The following ABCC4 variants were observed in gnomAD, a reference collection of about 807,000 sequenced individuals.
The protein encoded by ABCC4 is ATP binding cassette subfamily C member 4 (PEL blood group), also known as ATP-binding cassette sub-family C member 4.
Under a neutral mutation model 168.5 loss-of-function variants are expected in ABCC4, and 102 were observed. The ratio of observed to expected loss-of-function variants is 0.61; its 90% CI spans 0.52 to 0.71. The LOEUF (loss-of-function observed/expected upper bound fraction) is 0.71, where lower values mean the gene tolerates loss of function less well. Ranked by LOEUF, ABCC4 falls within the 30% of genes least tolerant of loss-of-function variation. The pLI is 0.00. For synonymous variants in ABCC4, 617 were observed against 590.7 expected (o/e 1.04, Z -0.65); for missense variants, 1,402 against 1,605.8 (o/e 0.87, Z 2.17).
Position 95,214,884 on chromosome 13 carries a change from C to CAA in ABCC4, c.532-4105_532-4104dup, listed in dbSNP as rs60962674. The stretch of plus-strand genomic sequence containing the variant: ...CTGGGTGATAGGTGAGACTCCAATT[C>CAA]AAAAAAAAAAAAAAAAAAACACCTG... On this transcript the variant is annotated intron_variant, in intron 4 of 30. Transcript: ENST00000645237. Among the ~76,000 whole-genome samples the CAA allele has an allele frequency of 1.6e-3, 141 of 88,576 alleles. 1 individual carries two copies. The highest frequency in any genetic ancestry group is 5.1e-3 in the African/African-American group (119 of 23,488). 58.1% of individuals were successfully genotyped at this position (88,576 alleles called of 152,430 possible).
At chr13:95,076,098 A>G (rs907627512) in intron 21 of ABCC4, among the ~76,000 whole-genome samples, 3 of 150,180 alleles carry the variant, frequency 2.0e-5, no homozygotes, top group Non-Finnish European at 4.4e-5. Context: ...GAACAGACAG[A>G]CTGTCACTTC....
At chr13:95,183,098 G>C in intron 11 of ABCC4, among the ~76,000 whole-genome samples, 1 of 149,504 alleles carries the variant, frequency 6.7e-6, no homozygotes, top group East Asian at 2.0e-4. Context: ...TTTTGCGGGG[G>C]AGGGTGGCCA....
At chr13:95,124,526 C>T (rs919084049) in intron 19 of ABCC4, among the ~76,000 whole-genome samples, 1 of 146,984 alleles carries the variant, frequency 6.8e-6, no homozygotes, top group Admixed American at 6.9e-5. Flanking sequence ...TAATGCACTC[C>T]AGACTGGGCA....
At chr13:95,116,085 AT>A in intron 19 of ABCC4, 84 bp from the exon 20 acceptor site, 1 of 964,082 alleles carries the variant, frequency 1.0e-6, no homozygotes, top group East Asian at 2.5e-5. Flanking sequence ...TCAAAACAAT[AT>A]TTTAAATGCA....
At chr13:95,208,937 C>T (rs1361624129) in intron 6 of ABCC4, among the ~76,000 whole-genome samples, 1 of 152,190 alleles carries the variant, frequency 6.6e-6, no homozygotes, top group Non-Finnish European at 1.5e-5. Flanking sequence ...ATATTCCTAA[C>T]ACATATGCTA....
intron 19 of ABCC4, among the ~76,000 whole-genome samples, chr13:95,159,570 T>G (rs762151836): frequency 1.3e-5 from 2 of 152,150 alleles, no homozygotes; most frequent in Admixed American, 6.5e-5. Flanking sequence ...GTCATGAGCA[T>G]TCCGAGGCCT....
intron 20 of ABCC4, among the ~76,000 whole-genome samples, chr13:95,100,582 T>C (rs1594094463): frequency 6.6e-6 from 1 of 152,218 alleles, no homozygotes; most frequent in East Asian, 1.9e-4. Context: ...CAGTAACTCA[T>C]GTCATCAACT....
chr13:95,200,790 G>A lies in ABCC4; in HGVS notation c.1161+5742C>T, dbSNP rs150607639. Among the ~76,000 whole-genome samples the A allele has an allele frequency of 5.6e-4, 85 of 152,274 alleles. 1 individual carries two copies. Among genetic ancestry groups the A allele is most frequent in the African/African-American group, 1.9e-3 (81 of 41,568 alleles). On this transcript the variant is annotated intron_variant, in intron 8 of 30. Coordinates refer to ENST00000645237, the MANE Select transcript of ABCC4 (RefSeq NM_005845.5). ...CCTGATGAAGCAGAATCTCCAAGGT[G>A]TAATAATTTAGTTTTAATCAGTGCA...
chr13:95,075,757 A>G (rs775553289), intron 21 of ABCC4: 35 of 517,224 alleles, frequency 6.8e-5, no homozygotes, highest in Admixed American at 1.1e-4. Context: ...CACACCTCAC[A>G]TAAGGGGCCT....
chr13:95,187,581 G>A lies in ABCC4; in HGVS notation c.1354-689C>T, dbSNP rs1751011. 2.5e-3 allele frequency among the ~76,000 whole-genome samples: 381 copies of A among 152,304 alleles called. 3 individuals carry two copies. The highest frequency in any genetic ancestry group is 8.9e-3 in the African/African-American group (369 of 41,568). ...ATCACGCCACTGCACTCCAGCCTGG[G>A]TGACAGAGCGAGACCATGTCTCAAA... On this transcript the variant is annotated intron_variant, in intron 10 of 30. Transcript: ENST00000645237.
At chr13:95,073,815 A>G (rs147846237) in intron 23 of ABCC4, among the ~76,000 whole-genome samples, 57 of 152,270 alleles carry the variant, frequency 3.7e-4, no homozygotes, top group African/African-American at 1.3e-3. Flanking sequence ...ATTGAAGATA[A>G]TACTCTCCTG....
chr13:95,081,086 C>T (rs2034078531), intron 21 of ABCC4, among the ~76,000 whole-genome samples: 1 of 152,190 alleles, frequency 6.6e-6, no homozygotes, highest in Admixed American at 6.5e-5. Context: ...AGAAAGAATC[C>T]TGCATATTTA....
chr13:95,217,691 G>A lies in ABCC4; in HGVS notation c.532-6910C>T, dbSNP rs907919482. On this transcript the variant is annotated intron_variant, in intron 4 of 30. Coordinates refer to ENST00000645237, the MANE Select transcript of ABCC4 (RefSeq NM_005845.5). ...AGGGGTTGCAGTGAGCCAAGATTGC[G>A]CCACTCCAGCCAGGGTGACAGTGAG... Among the ~76,000 whole-genome samples the A allele has an allele frequency of 3.0e-4, 18 of 60,814 alleles. No homozygotes were observed. In the East Asian group the frequency reaches 3.9e-3, roughly 13 times the overall value. The allele number at this position is 60,814 out of a possible 152,430, so 39.9% of individuals were successfully genotyped here.
chr13:95,108,833 T>C (rs1451671706), intron 20 of ABCC4, among the ~76,000 whole-genome samples: 1 of 152,052 alleles, frequency 6.6e-6, no homozygotes, highest in East Asian at 1.9e-4. Context: ...TGTTCCCTTC[T>C]GGAGACCTGG....
rs373500379 is a variant in ABCC4 at position 95,164,423 on chromosome 13, G to A, written c.2130C>T (p.His710=). 4 of 1,614,056 alleles carry A rather than the reference G, an allele frequency of 2.5e-6. No homozygotes were observed. The African/African-American group carries it at 5.3e-5, about 22-fold the overall frequency. Residue 710 remains histidine, a synonymous_variant, in exon 16 of 31, where the codon CAC becomes CAT. Transcript: ENST00000645237. ...GAATAAGGAAAATGAAGACAATCCA[G>A]TGAGCACCAGCTCTGAAGTAATTCT... The part of the protein sequence containing the change: ...AYKNYFRAGA[H]WIVFIFLILL...
At chr13:95,027,784 A>C (rs967434231) in intron 30 of ABCC4, among the ~76,000 whole-genome samples, 1 of 152,220 alleles carries the variant, frequency 6.6e-6, no homozygotes, top group African/African-American at 2.4e-5. Flanking sequence ...TTAAAAGGTA[A>C]AAAGGAATAC....
intron 4 of ABCC4, among the ~76,000 whole-genome samples, chr13:95,212,187 T>TAAAAAA (rs1421771753): frequency 1.2e-5 from 1 of 85,632 alleles, no homozygotes. Context: ...AAAAAAAAAT[T>TAAAAAA]AAAAAATGCT....
chr13:95,109,134 C>T (rs1412579189), intron 20 of ABCC4, among the ~76,000 whole-genome samples: 2 of 152,174 alleles, frequency 1.3e-5, no homozygotes, highest in African/African-American at 4.8e-5. Context: ...ACTTGGCATA[C>T]AGGAGGTGTC....
At chr13:95,041,843 C>T (rs1037866768) in intron 29 of ABCC4, among the ~76,000 whole-genome samples, 3 of 152,162 alleles carry the variant, frequency 2.0e-5, no homozygotes, top group African/African-American at 7.2e-5. Context: ...AGGCCAGTTC[C>T]CAATCTCAAG....
Sources: gnomAD v4.1 joint callset for allele counts (sites outside exome capture counted in the v4.1 genomes callset) on GRCh38, gnomAD v4.1.1 for gene constraint, MANE v1.5 for transcripts, NCBI Gene and HGNC (gene_info 2026-07-23, HGNC 2026-07-21) for gene names.